TNPO3: variants seen among roughly 807,000 people sequenced by gnomAD.
TNPO3 encodes transportin 3.
Under a neutral mutation model 122.8 loss-of-function variants are expected in TNPO3, and 65 were observed. The ratio of observed to expected loss-of-function variants is 0.53; its 90% CI spans 0.43 to 0.65. The LOEUF is 0.65. TNPO3 is among the 30% of genes least tolerant of loss of function. The pLI is 0.00. For synonymous variants in TNPO3, 372 were observed against 411.2 expected, an observed-to-expected ratio of 0.90 and a Z score of 1.15; for missense variants, 850 against 1,136.7, an observed-to-expected ratio of 0.75 and a Z score of 3.63.
chr7:129,018,778 G>A (rs1804125756), intron 1 of TNPO3, among the ~76,000 whole-genome samples: 1 of 152,112 alleles, frequency 6.6e-6, no homozygotes, highest in Non-Finnish European at 1.5e-5. Flanking sequence ...GAGTGCAGTG[G>A]CACAATCTAG....
chr7:128,979,394 T>C (rs534614482), intron 15 of TNPO3, among the ~76,000 whole-genome samples: 1 of 152,304 alleles, frequency 6.6e-6, no homozygotes, highest in Non-Finnish European at 1.5e-5. Flanking sequence ...AACTTCAGAC[T>C]TCCCGAAAGG....
intron 21 of TNPO3, among the ~76,000 whole-genome samples, chr7:128,965,926 G>A (rs1476468124): frequency 3.3e-5 from 5 of 152,204 alleles, no homozygotes; most frequent in Non-Finnish European, 5.9e-5. Context: ...GAGATGGGGA[G>A]AGGGGAGAAT....
intron 1 of TNPO3, among the ~76,000 whole-genome samples, chr7:129,019,382 C>G (rs1292445126): frequency 4.6e-5 from 7 of 152,144 alleles, no homozygotes; most frequent in Non-Finnish European, 8.8e-5. Context: ...CTTATGAAGA[C>G]AGAGCTCTTC....
At chr7:128,971,328 T>C (rs1798467601) in intron 19 of TNPO3, among the ~76,000 whole-genome samples, 1 of 152,084 alleles carries the variant, frequency 6.6e-6, no homozygotes, top group African/African-American at 2.4e-5. Flanking sequence ...GTATTTTTAG[T>C]AGAGACAGGG....
chr7:128,971,704 CTT>C (rs1798508719), intron 19 of TNPO3, among the ~76,000 whole-genome samples: 1 of 152,202 alleles, frequency 6.6e-6, no homozygotes, highest in Admixed American at 6.5e-5. Context: ...TACTAACAAA[CTT>C]AGTACTATTC....
rs984931451 is a variant in TNPO3, at chr7:129,031,879, G to T, written c.121-13722C>A. Among the ~76,000 whole-genome samples, 85 of 152,110 alleles carry T rather than the reference G, an allele frequency of 5.6e-4. 1 individual carries two copies. Among genetic ancestry groups the T allele is most frequent in the African/African-American group, 2.0e-3 (84 of 41,488 alleles). ...TCAAAATTTTAAATTTAGAAATGGG[G>T]TGTTGCTATGTTGCCCAGATGGGTT... On this transcript the variant is annotated intron_variant, in intron 1 of 22. Transcript: ENST00000265388.
intron 12 of TNPO3, among the ~76,000 whole-genome samples, chr7:128,985,747 G>A (rs1414828405): frequency 1.3e-5 from 2 of 152,126 alleles, no homozygotes; most frequent in Non-Finnish European, 2.9e-5. Context: ...ATTTGACTCT[G>A]ATTTATCTGT....
At chr7:129,047,977 T>C (rs1156247013) in intron 1 of TNPO3, among the ~76,000 whole-genome samples, 1 of 152,168 alleles carries the variant, frequency 6.6e-6, no homozygotes, top group East Asian at 1.9e-4. Flanking sequence ...TCCTAGCACT[T>C]TGGGAGTCTG....
At chr7:128,995,366 A>T (rs1801197424) in intron 8 of TNPO3, among the ~76,000 whole-genome samples, 1 of 152,232 alleles carries the variant, frequency 6.6e-6, no homozygotes, top group South Asian at 2.1e-4. Flanking sequence ...ACGTACAAGA[A>T]TCTTGGGCCC....
At chr7:129,037,031 A>G (rs1357963482) in intron 1 of TNPO3, among the ~76,000 whole-genome samples, 1 of 152,242 alleles carries the variant, frequency 6.6e-6, no homozygotes, top group African/African-American at 2.4e-5. Flanking sequence ...GACACATATA[A>G]TTGAAATCCT....
At chr7:129,046,360 C>G (rs1808058744) in intron 1 of TNPO3, among the ~76,000 whole-genome samples, 1 of 152,148 alleles carries the variant, frequency 6.6e-6, no homozygotes, top group South Asian at 2.1e-4. Context: ...CTCCCAGTTT[C>G]TATCAGTGCA....
rs191355795 is a variant in TNPO3, at chr7:129,051,558, A to C, written c.120+3093T>G. ...CGCTATGTTGCCCAGGCTGGTCTTG[A>C]ACTCCTGGGCTCAAGGGATCCTCCA... is the stretch of plus-strand genomic sequence containing the variant. On this transcript the variant is annotated intron_variant, in intron 1 of 22. Coordinates refer to ENST00000265388, the MANE Select transcript of TNPO3 (RefSeq NM_012470.4). 3.8e-4 allele frequency among the ~76,000 whole-genome samples: 58 copies of C among 152,176 alleles called. 1 individual carries two copies. Among genetic ancestry groups the C allele is most frequent in the African/African-American group, 1.4e-3 (57 of 41,524 alleles).
intron 8 of TNPO3, among the ~76,000 whole-genome samples, chr7:128,994,211 G>A (rs1801052116): frequency 6.6e-6 from 1 of 152,062 alleles, no homozygotes; most frequent in African/African-American, 2.4e-5. Flanking sequence ...AGGCTGGAGT[G>A]CAGTGGTGCG....
At chr7:128,960,185 A>G (rs1296652280) in intron 21 of TNPO3, among the ~76,000 whole-genome samples, 1 of 152,228 alleles carries the variant, frequency 6.6e-6, no homozygotes, top group Admixed American at 6.5e-5. Context: ...TGGTATAAAC[A>G]AACCTACTGC....
chr7:128,966,785 T>G (rs112533242), intron 21 of TNPO3, among the ~76,000 whole-genome samples: 229 of 152,370 alleles, frequency 1.5e-3, no homozygotes, highest in African/African-American at 5.5e-3. Context: ...ATGGGCCTAA[T>G]GTATCCCAGG....
rs187774937 is a variant in TNPO3, at chr7:129,017,027, T to A, written c.351A>T (p.Leu117=). 1 of 1,612,854 alleles carries A rather than the reference T, an allele frequency of 6.2e-7. No homozygotes were observed. The highest frequency in any genetic ancestry group is 1.3e-5 in the African/African-American group (1 of 75,022). The part of the protein sequence containing the change: ...QLALAIADLA[L]QMPSWKGCVQ... The stretch of plus-strand genomic sequence containing the variant: ...CACATCCCTTCCAGGAAGGCATCTG[T>A]AGGGCAAGATCTGCTATTGCTAAAG... The change falls in exon 3 of 23, where the codon CTA becomes CTT. Residue 117 remains leucine (L), a synonymous_variant. Transcript: ENST00000265388.
intron 1 of TNPO3, among the ~76,000 whole-genome samples, chr7:129,034,590 T>C (rs895676545): frequency 5.3e-5 from 8 of 152,216 alleles, no homozygotes; most frequent in African/African-American, 1.9e-4. Context: ...GATCTGTCCC[T>C]GTCATAAAGA....
chr7:128,959,948 G>T (rs888535423), intron 21 of TNPO3, among the ~76,000 whole-genome samples: 3 of 152,156 alleles, frequency 2.0e-5, no homozygotes, highest in Non-Finnish European at 2.9e-5. Flanking sequence ...TTGAACCCAG[G>T]GGGTGGAGGT....
chr7:128,957,370 G>A, intron 21 of TNPO3, 55 bp from the exon 22 acceptor site: 1 of 1,574,644 alleles, frequency 6.4e-7, no homozygotes, highest in Middle Eastern at 1.7e-4. Context: ...AGAATATGCT[G>A]AAAAACAACT....
Sources: gnomAD v4.1 joint callset for allele counts (sites outside exome capture counted in the v4.1 genomes callset) on GRCh38, gnomAD v4.1.1 for gene constraint, MANE v1.5 for transcripts, NCBI Gene and HGNC (gene_info 2026-07-23, HGNC 2026-07-21) for gene names.